The following TRDN variants were observed in gnomAD, a reference collection of about 807,000 sequenced individuals.
TRDN encodes triadin.
TRDN carries 161 observed loss-of-function variants against 149.7 expected under a neutral mutation model. The observed-to-expected ratio is 1.08, with a 90% CI of 0.95 to 1.23. The LOEUF (loss-of-function observed/expected upper bound fraction) is 1.23. Among genes scored for constraint, TRDN ranks in the 50% most tolerant of loss-of-function variants. The pLI, the probability that TRDN is intolerant of heterozygous loss-of-function variation, is 0.00. For missense variants in TRDN, 896 were observed against 823.5 expected (o/e 1.09, Z -1.08); for synonymous variants, 294 against 250.5 (o/e 1.17, Z -1.64).
At chr6:123,560,751 G>C (rs959799319) in intron 2 of TRDN, among the ~76,000 whole-genome samples, 1 of 152,104 alleles carries the variant, frequency 6.6e-6, no homozygotes, top group African/African-American at 2.4e-5. Context: ...CAAGGCAAAT[G>C]GTTCTTGGAC....
intron 38 of TRDN, among the ~76,000 whole-genome samples, chr6:123,251,285 G>T (rs1035260798): frequency 2.6e-5 from 4 of 151,880 alleles, no homozygotes; most frequent in Admixed American, 1.3e-4. Context: ...TTAACATTGG[G>T]TACAGTAGGA....
intron 12 of TRDN, among the ~76,000 whole-genome samples, chr6:123,404,472 T>C (rs1773111872): frequency 6.6e-6 from 1 of 152,180 alleles, no homozygotes; most frequent in African/African-American, 2.4e-5. Flanking sequence ...TTTTTGTGTT[T>C]TGAGAAGTTT....
intron 9 of TRDN, among the ~76,000 whole-genome samples, chr6:123,485,568 C>T (rs11967178): frequency 0.048 from 7,244 of 151,980 alleles, 583 homozygotes; most frequent in African/African-American, 0.17. Flanking sequence ...AATAATGCTA[C>T]GTGAATATTA....
intron 1 of TRDN, among the ~76,000 whole-genome samples, chr6:123,626,730 A>G (rs1785690342): frequency 6.6e-6 from 1 of 151,966 alleles, no homozygotes; most frequent in Admixed American, 6.6e-5. Context: ...TGTACCCTAG[A>G]ACTTAAAGTA....
At chr6:123,423,976 C>A (rs1481722753) in intron 12 of TRDN, among the ~76,000 whole-genome samples, 1 of 152,106 alleles carries the variant, frequency 6.6e-6, no homozygotes, top group African/African-American at 2.4e-5. Flanking sequence ...ATGACAGTAA[C>A]TTGAAACCCC....
At position 123,459,190 on chromosome 6, in the gene TRDN, C is replaced by A. The variant is rs79942082; in HGVS notation, c.931+5716G>T. ...CACTTATGTGGATCAAGCTCAGCATCCTGCCTGACATGTGGTCTCCATGTT... is the reference window on the plus strand; with the variant it reads ...CACTTATGTGGATCAAGCTCAGCATACTGCCTGACATGTGGTCTCCATGTT... On this transcript the variant is annotated intron_variant, in intron 10 of 40. Coordinates refer to ENST00000334268, the MANE Select transcript of TRDN (RefSeq NM_006073.4). Among the ~76,000 whole-genome samples the A allele has an allele frequency of 3.5e-3, 533 of 152,296 alleles. 1 individual carries two copies. Among genetic ancestry groups the A allele is most frequent in the Non-Finnish European group, 5.0e-3 (338 of 68,024 alleles).
chr6:123,246,829 T>G (rs1037399014), intron 38 of TRDN, among the ~76,000 whole-genome samples: 6 of 151,218 alleles, frequency 4.0e-5, no homozygotes, highest in South Asian at 2.1e-4. Flanking sequence ...ATATCCCTGA[T>G]GAACATTGAT....
chr6:123,432,649 C>T (rs1774380524), intron 12 of TRDN, among the ~76,000 whole-genome samples: 1 of 151,896 alleles, frequency 6.6e-6, no homozygotes, highest in Non-Finnish European at 1.5e-5. Flanking sequence ...CCCTTCCCCG[C>T]AAAATCTACA....
rs146214046 is a variant in TRDN at position 123,350,809 on chromosome 6, A to AT, written c.1369+1729dup. The AT allele has an allele frequency of 4.6e-3, 4,529 of 983,308 alleles. 161 individuals carry two copies. The African/African-American group carries it at 0.07, about 15-fold the overall frequency. 60.9% of individuals were successfully genotyped at this position (983,308 alleles called of 1,614,324 possible). On this transcript the variant is annotated intron_variant, in intron 21 of 40. Transcript: ENST00000334268. ...TAAAAATAGCCATTGAAAGAACCTCATTTTTTTCACACAATCCAAGAGCCT... is the reference window on the plus strand; with the variant it reads ...TAAAAATAGCCATTGAAAGAACCTCATTTTTTTTCACACAATCCAAGAGCCT...
At chr6:123,563,843 T>C (rs2114509653) in intron 2 of TRDN, among the ~76,000 whole-genome samples, 1 of 152,332 alleles carries the variant, frequency 6.6e-6, no homozygotes, top group Non-Finnish European at 1.5e-5. Flanking sequence ...GGTCTCACTC[T>C]GTCACCCAGG....
intron 38 of TRDN, among the ~76,000 whole-genome samples, chr6:123,239,205 T>G (rs1184659251): frequency 1.3e-5 from 2 of 152,148 alleles, no homozygotes; most frequent in Non-Finnish European, 2.9e-5. Flanking sequence ...AAATGTTCAA[T>G]ATATCAGAAA....
intron 12 of TRDN, among the ~76,000 whole-genome samples, chr6:123,434,442 C>G (rs1774469935): frequency 6.6e-6 from 1 of 152,168 alleles, no homozygotes. Context: ...TTTCCAGGAT[C>G]TAGTCTTTGT....
At chr6:123,454,486 C>T (rs1365433382) in intron 10 of TRDN, among the ~76,000 whole-genome samples, 2 of 152,156 alleles carry the variant, frequency 1.3e-5, no homozygotes, top group Admixed American at 6.6e-5. Context: ...CTAGAATATA[C>T]TTCATTCTCA....
At chr6:123,378,607 G>A (rs563181149) in intron 16 of TRDN, among the ~76,000 whole-genome samples, 42 of 152,174 alleles carry the variant, frequency 2.8e-4, no homozygotes, top group East Asian at 1.9e-4. Context: ...ATGAGCCACA[G>A]CACCGCAGCT....
chr6:123,490,620 A>G lies in TRDN; in HGVS notation c.853+6573T>C, dbSNP rs545776493. 2.0e-5 allele frequency among the ~76,000 whole-genome samples: 3 copies of G among 152,292 alleles called. 1 individual carries two copies. The East Asian group carries it at 5.8e-4, about 29-fold the overall frequency. On this transcript the variant is annotated intron_variant, in intron 9 of 40. Transcript: ENST00000334268. Reference sequence around the variant, plus strand: ...TATCCTGTTATATTTTGTGACAAGAACCTGAACCATTTCATTTTGCTAAAA... The same window carrying G: ...TATCCTGTTATATTTTGTGACAAGAGCCTGAACCATTTCATTTTGCTAAAA...
intron 39 of TRDN, among the ~76,000 whole-genome samples, chr6:123,222,266 T>C (rs1775177128): frequency 6.6e-6 from 1 of 151,496 alleles, no homozygotes; most frequent in Non-Finnish European, 1.5e-5. Flanking sequence ...TTACAGATCT[T>C]ATCAATTTTT....
chr6:123,346,362 A>G (rs1233839762), intron 21 of TRDN, among the ~76,000 whole-genome samples: 1 of 152,028 alleles, frequency 6.6e-6, no homozygotes, highest in Admixed American at 6.6e-5. Flanking sequence ...CTAGACTTGC[A>G]TATCTGGAAT....
chr6:123,234,987 A>G (rs1775732580), intron 38 of TRDN, among the ~76,000 whole-genome samples: 1 of 152,150 alleles, frequency 6.6e-6, no homozygotes, highest in African/African-American at 2.4e-5. Flanking sequence ...CTGTGAGAAC[A>G]TAATAGCAGT....
chr6:123,489,397 T>A (rs1778113501), intron 9 of TRDN: 1 of 152,154 alleles, frequency 6.6e-6, no homozygotes, highest in Admixed American at 6.5e-5. Context: ...TTGGTTCTCA[T>A]TACACTATCA....
Sources: allele counts gnomAD v4.1 joint callset (sites outside exome capture counted in the v4.1 genomes callset), GRCh38; gene constraint gnomAD v4.1.1; transcripts MANE v1.5; gene names NCBI Gene and HGNC (gene_info 2026-07-23, HGNC 2026-07-21).